NHSL1: variants seen among roughly 807,000 people sequenced by gnomAD.
NHSL1 encodes the protein NHS like 1, also known as NHS-like protein 1.
In NHSL1, 48 loss-of-function variants were observed where a neutral mutation model predicts 95.0. The observed-to-expected ratio is 0.51, with a 90% CI of 0.40 to 0.64. The LOEUF (loss-of-function observed/expected upper bound fraction) is 0.64, where lower values mean the gene tolerates loss of function less well. NHSL1 is among the 30% of genes least tolerant of loss of function. The pLI is 0.00. For synonymous variants in NHSL1, 783 were observed against 833.9 expected (o/e 0.94, Z 1.05); for missense variants, 1,971 against 2,077.7 (o/e 0.95, Z 1.00).
At chr6:138,637,376 A>G (rs539268422) in intron 1 of NHSL1, among the ~76,000 whole-genome samples, 1 of 152,356 alleles carries the variant, frequency 6.6e-6, no homozygotes, top group Admixed American at 6.5e-5. Flanking sequence ...ATAGGCAACC[A>G]AAGCAAAAAT....
At chr6:138,619,561 C>T (rs1255483004) in intron 1 of NHSL1, among the ~76,000 whole-genome samples, 2 of 152,138 alleles carry the variant, frequency 1.3e-5, no homozygotes, top group East Asian at 3.8e-4. Context: ...AAGATACCCA[C>T]AATATATGTT....
chr6:138,568,521 G>A (rs1192870952), intron 1 of NHSL1, among the ~76,000 whole-genome samples: 3 of 152,202 alleles, frequency 2.0e-5, no homozygotes. Flanking sequence ...TACTACTGTA[G>A]TGGGTCATAT....
At chr6:138,445,228 T>C (rs145844176) in intron 4 of NHSL1, among the ~76,000 whole-genome samples, 2 of 152,324 alleles carry the variant, frequency 1.3e-5, no homozygotes, top group African/African-American at 4.8e-5. Flanking sequence ...CATATTTCAT[T>C]GCACAATCTT....
chr6:138,582,148 C>A (rs891499547), intron 1 of NHSL1, among the ~76,000 whole-genome samples: 1 of 152,086 alleles, frequency 6.6e-6, no homozygotes, highest in African/African-American at 2.4e-5. Flanking sequence ...TCGCCCGCCT[C>A]AGCCTCCCAA....
intron 1 of NHSL1, among the ~76,000 whole-genome samples, chr6:138,672,645 G>A (rs1004165657): frequency 6.6e-6 from 1 of 152,138 alleles, no homozygotes; most frequent in Non-Finnish European, 1.5e-5. Context: ...TTTTGAAACA[G>A]ACGTTCACCA....
At chr6:138,675,174 G>T (rs1785432654) in intron 1 of NHSL1, among the ~76,000 whole-genome samples, 1 of 152,064 alleles carries the variant, frequency 6.6e-6, no homozygotes, top group African/African-American at 2.4e-5. Flanking sequence ...TCTGCAGGCT[G>T]CTGGTGGCTC....
At chr6:138,625,641 TAAA>T (rs57534545) in intron 1 of NHSL1, among the ~76,000 whole-genome samples, 5,578 of 138,786 alleles carry the variant, frequency 0.04, 339 homozygotes, top group African/African-American at 0.14. Flanking sequence ...CTTTTTTAAT[TAAA>T]AAAAAAAAAA....
intron 2 of NHSL1, among the ~76,000 whole-genome samples, chr6:138,488,414 T>C (rs958017867): frequency 6.6e-6 from 1 of 152,236 alleles, no homozygotes; most frequent in African/African-American, 2.4e-5. Context: ...AAATCATTAG[T>C]GTATTTATTA....
At chr6:138,489,824 G>GA in intron 2 of NHSL1, among the ~76,000 whole-genome samples, 1 of 98,158 alleles carries the variant, frequency 1.0e-5, no homozygotes, top group Non-Finnish European at 2.1e-5. Flanking sequence ...GAGGGAGAGA[G>GA]GGAGAGAGAG....
intron 3 of NHSL1, among the ~76,000 whole-genome samples, chr6:138,460,240 A>T (rs998764888): frequency 6.6e-6 from 1 of 151,538 alleles, no homozygotes; most frequent in East Asian, 1.9e-4. Context: ...CTTTTTTTTT[A>T]TGGTAATCAC....
At chr6:138,438,618 AAG>A (rs1776335850) in intron 5 of NHSL1, among the ~76,000 whole-genome samples, 1 of 152,216 alleles carries the variant, frequency 6.6e-6, no homozygotes, top group South Asian at 2.1e-4. Flanking sequence ...ATCTGATTTT[AAG>A]ACATAATGTA....
chr6:138,526,478 T>C (rs1223724489), intron 1 of NHSL1, among the ~76,000 whole-genome samples: 2 of 152,152 alleles, frequency 1.3e-5, no homozygotes, highest in South Asian at 2.1e-4. Context: ...GAGCCCTGTC[T>C]GGAAAAATAA....
upstream of NHSL1, among the ~76,000 whole-genome samples, chr6:138,501,260 C>T (rs1404168914): frequency 1.3e-5 from 2 of 152,176 alleles, no homozygotes; most frequent in African/African-American, 4.8e-5. Flanking sequence ...AAATACCAGG[C>T]ACCGATGCTA....
chr6:138,498,359 G>C (rs116639525), intron 1 of NHSL1, among the ~76,000 whole-genome samples: 2,647 of 152,194 alleles, frequency 0.017, 68 homozygotes, highest in African/African-American at 0.06. Context: ...TCTTCCCCTC[G>C]TGTTCCTCAC....
At position 138,692,407 on chromosome 6, in the gene NHSL1, G is replaced by A; in HGVS notation, c.96+69C>T. Reference sequence around the variant, plus strand: ...CCGCGCCGACCCAGGGCCGCCAGGGGGCGGGCGGGAGCAGCTCTCCGGGTG... The same window carrying A: ...CCGCGCCGACCCAGGGCCGCCAGGGAGCGGGCGGGAGCAGCTCTCCGGGTG... On this transcript the variant is annotated intron_variant, in intron 1 of 3. Transcript: ENST00000491526. The surrounding 1 kb of genome is among the most constrained non-coding windows in gnomAD (Gnocchi z 4.0). 1 of 269,824 alleles carries A rather than the reference G, an allele frequency of 3.7e-6. No homozygotes were observed. The highest frequency in any genetic ancestry group is 7.2e-6 in the Non-Finnish European group (1 of 138,582). The allele number at this position is 269,824 out of a possible 1,614,324, so 16.7% of individuals were successfully genotyped here. A position where few individuals can be genotyped will look rare whatever the true frequency, so the allele number is the denominator to read the frequency against.
intron 1 of NHSL1, among the ~76,000 whole-genome samples, chr6:138,631,710 T>C (rs1270683931): frequency 6.6e-6 from 1 of 151,990 alleles, no homozygotes; most frequent in Non-Finnish European, 1.5e-5. Context: ...AACCAGCAGC[T>C]ATACCTAGGT....
intron 1 of NHSL1, among the ~76,000 whole-genome samples, chr6:138,535,530 C>T (rs973500559): frequency 6.6e-6 from 1 of 152,160 alleles, no homozygotes; most frequent in African/African-American, 2.4e-5. Context: ...CACCACTGCA[C>T]TCCAGACTGG....
chr6:138,498,170 G>A (rs1780468675), intron 1 of NHSL1, among the ~76,000 whole-genome samples: 1 of 152,136 alleles, frequency 6.6e-6, no homozygotes, highest in African/African-American at 2.4e-5. Flanking sequence ...GTTTTGTGCT[G>A]ATGTCCATTT....
rs566527938 is a variant in NHSL1 at position 138,611,926 on chromosome 6, A to G, written c.96+80550T>C. Among the ~76,000 whole-genome samples the G allele has an allele frequency of 1.7e-3, 254 of 151,980 alleles. 1 individual carries two copies. The highest frequency in any genetic ancestry group is 3.1e-3 in the Non-Finnish European group (213 of 67,960). ...GGAGTTTGAGACCAGCCTGGTCAAC[A>G]TGGTGAAACTCCATCTCTACTAAAA... is the stretch of plus-strand genomic sequence containing the variant. On this transcript the variant is annotated intron_variant, in intron 1 of 3. Coordinates refer to the NHSL1 transcript ENST00000491526.
Sources: allele counts gnomAD v4.1 joint callset (sites outside exome capture counted in the v4.1 genomes callset), GRCh38; gene constraint gnomAD v4.1.1; non-coding constraint Gnocchi (gnomAD v3.1); transcripts MANE v1.5; gene names NCBI Gene and HGNC (gene_info 2026-07-23, HGNC 2026-07-21).